The following RBMS3 variants were observed in gnomAD, a reference collection of about 807,000 sequenced individuals.
RBMS3 encodes RNA binding motif single stranded interacting protein 3, also known as RNA-binding motif, single-stranded-interacting protein 3.
A neutral mutation model predicts 66.8 loss-of-function variants in RBMS3; 27 were observed. That is an observed-to-expected ratio of 0.40 (90% CI 0.30 to 0.56). The LOEUF (loss-of-function observed/expected upper bound fraction) is 0.56, where lower values mean the gene tolerates loss of function less well. RBMS3 is among the 20% of genes least tolerant of loss of function. The probability of loss-of-function intolerance (pLI) is 0.40; values close to 1 mark genes in which losing one functional copy is unlikely to be tolerated. For synonymous variants in RBMS3, 188 were observed against 183.0 expected, an observed-to-expected ratio of 1.03 and a Z score of -0.22; for missense variants, 513 against 549.5, an observed-to-expected ratio of 0.93 and a Z score of 0.66.
At chr3:29,955,126 C>T (rs1470364340) in intron 12 of RBMS3, among the ~76,000 whole-genome samples, 1 of 151,856 alleles carries the variant, frequency 6.6e-6, no homozygotes, top group African/African-American at 2.4e-5. Context: ...TATGTCATAC[C>T]ACAGAACCAC....
At chr3:29,669,576 G>A (rs576651983) in intron 4 of RBMS3, among the ~76,000 whole-genome samples, 7 of 152,202 alleles carry the variant, frequency 4.6e-5, no homozygotes, top group East Asian at 1.9e-4. Context: ...AATGAAGTCC[G>A]GAGTGACTGG....
intron 6 of RBMS3, among the ~76,000 whole-genome samples, chr3:29,799,179 G>C (rs1449100476): frequency 3.9e-5 from 6 of 152,038 alleles, no homozygotes; most frequent in South Asian, 2.1e-4. Flanking sequence ...AGGTAAGAGG[G>C]CCATTGAAGA....
chr3:29,418,351 G>A (rs1363013548), intron 1 of RBMS3, among the ~76,000 whole-genome samples: 2 of 152,122 alleles, frequency 1.3e-5, no homozygotes, highest in African/African-American at 4.8e-5. Flanking sequence ...AAAATTAGAG[G>A]TGTGTCTATT....
intron 4 of RBMS3, among the ~76,000 whole-genome samples, chr3:29,608,707 T>G (rs2048392918): frequency 6.6e-6 from 1 of 152,020 alleles, no homozygotes; most frequent in Admixed American, 6.6e-5. Flanking sequence ...GCTAGATACA[T>G]TCACCAAAAC....
intron 6 of RBMS3, among the ~76,000 whole-genome samples, chr3:29,834,965 C>T (rs1390216043): frequency 6.6e-6 from 1 of 151,766 alleles, no homozygotes; most frequent in African/African-American, 2.4e-5. Context: ...AAGCTGAAAC[C>T]AAAAAGAGCA....
chr3:29,623,344 G>A lies in RBMS3; in HGVS notation c.399+36139G>A, dbSNP rs1461349049. Among the ~76,000 whole-genome samples, 4 of 152,078 alleles carry A rather than the reference G, an allele frequency of 2.6e-5. No homozygotes were observed. The South Asian group carries it at 8.3e-4, about 32-fold the overall frequency. On this transcript the variant is annotated intron_variant, in intron 4 of 14. Coordinates refer to ENST00000383767, the MANE Select transcript of RBMS3 (RefSeq NM_001003793.3). ...GCGGTGGCTCACGCCTGTAATCCCA[G>A]CACTTTGGGACGCCGAGGCAGGCGG...
chr3:29,873,772 G>T (rs570917370), intron 7 of RBMS3, among the ~76,000 whole-genome samples: 26 of 152,200 alleles, frequency 1.7e-4, no homozygotes, highest in Non-Finnish European at 2.5e-4. Context: ...TCAAAACCTT[G>T]TTTATTGAGA....
At chr3:29,909,596 C>T (rs1269105593) in intron 10 of RBMS3, among the ~76,000 whole-genome samples, 1 of 151,990 alleles carries the variant, frequency 6.6e-6, no homozygotes, top group Non-Finnish European at 1.5e-5. Context: ...AAAAAATATG[C>T]TTTAATACAT....
intron 1 of RBMS3, among the ~76,000 whole-genome samples, chr3:29,407,466 A>G (rs981554795): frequency 6.6e-6 from 1 of 152,200 alleles, no homozygotes; most frequent in Non-Finnish European, 1.5e-5. Context: ...TAATTTGGTT[A>G]AAATATACAT....
At position 29,816,649 on chromosome 3, in the gene RBMS3, G is replaced by A. The variant is rs117009265; in HGVS notation, c.638-52209G>A. On this transcript the variant is annotated intron_variant, in intron 6 of 14. Transcript: ENST00000383767. ...CCTTTAATATAAATATATTATTATCGAGGCTTATAATGTGAAGTTCTTTAC... is the reference window on the plus strand; with the variant it reads ...CCTTTAATATAAATATATTATTATCAAGGCTTATAATGTGAAGTTCTTTAC... 6.0e-4 allele frequency among the ~76,000 whole-genome samples: 91 copies of A among 151,968 alleles called. No homozygotes were observed. The East Asian group carries it at 0.017, about 28-fold the overall frequency.
Position 30,006,560 on chromosome 3 carries a change from T to TA in RBMS3, c.*2699dup, listed in dbSNP as rs972658585. ...ATTATAAAGGTGGCACTTAAGTTTT[T>TA]ATCTTTGAAAAGTGGGCCCCAAAGT... is the stretch of plus-strand genomic sequence containing the variant. On this transcript the variant is annotated 3_prime_UTR_variant, in exon 15 of 15. Coordinates refer to ENST00000383767, the MANE Select transcript of RBMS3 (RefSeq NM_001003793.3). 4 of 151,974 alleles carry TA rather than the reference T, an allele frequency of 2.6e-5. No homozygotes were observed. The highest frequency in any genetic ancestry group is 9.7e-5 in the African/African-American group (4 of 41,426). 9.4% of individuals were successfully genotyped at this position (151,974 alleles called of 1,614,324 possible).
At chr3:29,428,438 T>C (rs1329442861) in intron 1 of RBMS3, among the ~76,000 whole-genome samples, 1 of 152,108 alleles carries the variant, frequency 6.6e-6, no homozygotes, top group African/African-American at 2.4e-5. Context: ...GGCTCATATA[T>C]ATTCACTACA....
At chr3:29,669,408 A>G (rs1038253670) in intron 4 of RBMS3, among the ~76,000 whole-genome samples, 1 of 152,194 alleles carries the variant, frequency 6.6e-6, no homozygotes, top group African/African-American at 2.4e-5. Context: ...AGTAGACAAT[A>G]CTGAGTCACA....
chr3:29,898,630 G>A (rs1303079779), intron 9 of RBMS3, among the ~76,000 whole-genome samples: 1 of 151,548 alleles, frequency 6.6e-6, no homozygotes, highest in African/African-American at 2.4e-5. Context: ...TTACATTAGA[G>A]GGTCTCTGAA....
intron 1 of RBMS3, among the ~76,000 whole-genome samples, chr3:29,375,426 A>G (rs1408877410): frequency 6.6e-6 from 1 of 152,222 alleles, no homozygotes; most frequent in African/African-American, 2.4e-5. Flanking sequence ...AACCTACGGA[A>G]TGGGAGAAAA....
intron 1 of RBMS3, among the ~76,000 whole-genome samples, chr3:29,432,054 C>T (rs1179407667): frequency 6.6e-6 from 1 of 152,096 alleles, no homozygotes; most frequent in Non-Finnish European, 1.5e-5. Flanking sequence ...TCCCAACCTA[C>T]CCTGCCTTCC....
At chr3:29,978,593 A>G (rs939647146) in intron 12 of RBMS3, among the ~76,000 whole-genome samples, 2 of 152,158 alleles carry the variant, frequency 1.3e-5, no homozygotes, top group Non-Finnish European at 1.5e-5. Context: ...CAAGTATTTA[A>G]GGTAGCTCGC....
intron 3 of RBMS3, among the ~76,000 whole-genome samples, chr3:29,538,073 G>A (rs534001351): frequency 1.3e-5 from 2 of 152,200 alleles, no homozygotes; most frequent in African/African-American, 4.8e-5. Context: ...GCTTATGAAT[G>A]GCCCTAGGGT....
intron 6 of RBMS3, among the ~76,000 whole-genome samples, chr3:29,791,494 G>GT (rs1215520465): frequency 8.0e-6 from 1 of 124,398 alleles, no homozygotes; most frequent in Non-Finnish European, 1.7e-5. Context: ...GCTTCTCAAT[G>GT]TTTTTTTCGT....
Sources: allele counts gnomAD v4.1 joint callset (sites outside exome capture counted in the v4.1 genomes callset), GRCh38; gene constraint gnomAD v4.1.1; transcripts MANE v1.5; gene names NCBI Gene and HGNC (gene_info 2026-07-23, HGNC 2026-07-21).